Variants in SEMA3G observed in about 807,000 individuals in gnomAD.
The protein encoded by SEMA3G is semaphorin-3G.
A neutral mutation model predicts 86.2 loss-of-function variants in SEMA3G; 70 were observed. That is an observed-to-expected ratio of 0.81 (90% confidence interval 0.67 to 0.99). The LOEUF is 0.99. SEMA3G is among the 50% of genes least tolerant of loss of function. The pLI is 0.00. For synonymous variants in SEMA3G, 416 were observed against 441.4 expected, an observed-to-expected ratio of 0.94 and a Z score of 0.72; for missense variants, 1,002 against 1,072.4, an observed-to-expected ratio of 0.93 and a Z score of 0.92.
At chr3:52,437,688 C>T in intron 14 of SEMA3G, 22 bp from the exon 15 acceptor site, 2 of 1,602,812 alleles carry the variant, frequency 1.2e-6, no homozygotes, top group Non-Finnish European at 1.7e-6. Context: ...CAGAGGTTGG[C>T]TCAGCTTGGG....
At chr3:52,438,701 T>C (rs1706092446) in intron 13 of SEMA3G, 51 of 985,494 alleles carry the variant, frequency 5.2e-5, no homozygotes, top group Non-Finnish European at 6.1e-5. Flanking sequence ...CCTTAGGAAC[T>C]GGCCTTTGTG....
In SEMA3G at chr3:52,443,046, T is replaced by C. The variant is rs1006460074; in HGVS notation, c.116-139A>G. On this transcript the variant is annotated intron_variant, in intron 1 of 15. Coordinates refer to ENST00000231721, the MANE Select transcript of SEMA3G (RefSeq NM_020163.3). ...GAAAATGTTTCCATCCACATGGTGC[T>C]GGAAGGCTTTCGGACCATGGCTCCT... is the stretch of plus-strand genomic sequence containing the variant. The C allele has an allele frequency of 1.2e-5, 18 of 1,536,362 alleles. No individual in the cohort carries two copies. The African/African-American group carries it at 2.3e-4, about 20-fold the overall frequency.
At position 52,438,115 on chromosome 3, in the gene SEMA3G, A is replaced by G; in HGVS notation, c.1594T>C (p.Cys532Arg). Reference protein sequence around the residue: ...CETYGTACAECCLARDPYCAW... With the variant: ...CETYGTACAERCLARDPYCAW... Reference sequence around the variant, plus strand: ...CAGTATGGGTCCCGGGCCAGGCAGCACTCTGCACAGGCAGTGCCGTAAGTC... The same window carrying G: ...CAGTATGGGTCCCGGGCCAGGCAGCGCTCTGCACAGGCAGTGCCGTAAGTC... Residue 532 changes from cysteine to arginine, a missense_variant, in exon 14 of 16, where the codon TGC (cysteine) becomes CGC (arginine). Cys to Arg is a radical substitution (Grantham distance 180). Coordinates refer to ENST00000231721, the MANE Select transcript of SEMA3G (RefSeq NM_020163.3). 6.2e-7 allele frequency: 1 copy of G among 1,613,184 alleles called. No individual in the cohort carries two copies. Among genetic ancestry groups the G allele is most frequent in the Non-Finnish European group, 8.5e-7 (1 of 1,180,016 alleles).
At position 52,433,900 on chromosome 3, in the gene SEMA3G, A is replaced by G. The variant is rs1705996798; in HGVS notation, c.*1703T>C. On this transcript the variant is annotated 3_prime_UTR_variant, in exon 16 of 16. Coordinates refer to ENST00000231721, the MANE Select transcript of SEMA3G (RefSeq NM_020163.3). ...ACCAGCTGACCTCCCAGCAGACAGC[A>G]CCGCAGGCTGGAAGGCTTCTCAGGG... The G allele has an allele frequency of 6.6e-6, 1 of 152,246 alleles. No homozygotes were observed. The highest frequency in any genetic ancestry group is 2.4e-5 in the African/African-American group (1 of 41,382). The allele number at this position is 152,246 out of a possible 1,614,324, so 9.4% of individuals were successfully genotyped here. A position where few individuals can be genotyped will look rare whatever the true frequency, so the allele number is the denominator to read the frequency against.
At position 52,440,825 on chromosome 3, in the gene SEMA3G, T is replaced by G. The variant is rs750727684; in HGVS notation, c.929-2A>C. The G allele has an allele frequency of 3.1e-6, 5 of 1,612,242 alleles. No homozygotes were observed. Among genetic ancestry groups the G allele is most frequent in the Non-Finnish European group, 4.2e-6 (5 of 1,179,830 alleles). Reference sequence around the variant, plus strand: ...TGGGCCACAGCAGGAACACATCCTCTGGGGTAGAGAAAGGAGTATGAGTGT... The same window carrying G: ...TGGGCCACAGCAGGAACACATCCTCGGGGGTAGAGAAAGGAGTATGAGTGT... On this transcript the variant is annotated splice_acceptor_variant, in intron 8 of 15. Transcript: ENST00000231721. LOFTEE classifies it high-confidence loss of function.
At chr3:52,444,307 C>A (rs1188395313) in intron 1 of SEMA3G, among the ~76,000 whole-genome samples, 1 of 151,996 alleles carries the variant, frequency 6.6e-6, no homozygotes, top group African/African-American at 2.4e-5. Context: ...TCTCAGCACT[C>A]CCCCTCAGGT....
At position 52,439,930 on chromosome 3, in the gene SEMA3G, G is replaced by T. The variant is rs763085347; in HGVS notation, c.1312C>A (p.Gln438Lys). ...VKTHLAQQLH[Q>K]IVVDRVEAED... The stretch of plus-strand genomic sequence containing the variant: ...GCCTCCACGCGGTCCACCACGATCT[G>T]GTGTAGCTGCTGGGCCAGGTGGGTC... The change falls in exon 11 of 16, where the codon CAG (glutamine) becomes AAG (lysine). Residue 438 changes from glutamine (Q) to lysine (K), a missense_variant. Gln to Lys is a moderately conservative substitution (Grantham distance 53, BLOSUM62 1). Coordinates refer to ENST00000231721, the MANE Select transcript of SEMA3G (RefSeq NM_020163.3). The T allele has an allele frequency of 6.2e-7, 1 of 1,613,890 alleles. No homozygotes were observed. The highest frequency in any genetic ancestry group is 1.1e-5 in the South Asian group (1 of 91,082).
At position 52,442,336 on chromosome 3, in the gene SEMA3G, TGA is replaced by T; in HGVS notation, c.340-34_340-33del. ...GGAGAAGGAGGGGGTGGTTGAGGGG[TGA>T]GAGGGGGTGCCCACCATCTCCTTGG... On this transcript the variant is annotated intron_variant, in intron 3 of 15. Coordinates refer to ENST00000231721, the MANE Select transcript of SEMA3G (RefSeq NM_020163.3). This position sits in a 1 kb window ranked among gnomAD's most constrained non-coding sequence, Gnocchi z 6.1. 6.5e-7 allele frequency: 1 copy of T among 1,538,736 alleles called. No homozygotes were observed. Among genetic ancestry groups the T allele is most frequent in the South Asian group, 1.1e-5 (1 of 89,662 alleles).
chr3:52,436,324 C>T (rs951462350), intron 15 of SEMA3G, among the ~76,000 whole-genome samples: 1 of 152,240 alleles, frequency 6.6e-6, no homozygotes, highest in African/African-American at 2.4e-5. Flanking sequence ...GCTGGTTTCT[C>T]CCTTAGTCAG....
intron 9 of SEMA3G, 29 bp downstream of exon 9, chr3:52,440,725 C>T (rs1161989192): frequency 3.1e-6 from 5 of 1,596,118 alleles, no homozygotes; most frequent in South Asian, 2.2e-5. Flanking sequence ...AGGGGCCCAT[C>T]GCAAGGCCGG....
At position 52,435,691 on chromosome 3, in the gene SEMA3G, C is replaced by A; in HGVS notation, c.2261G>T (p.Ser754Ile). 5 of 1,614,132 alleles carry A rather than the reference C, an allele frequency of 3.1e-6. No individual in the cohort carries two copies. The highest frequency in any genetic ancestry group is 4.2e-6 in the Non-Finnish European group (5 of 1,180,018). Residue 754 changes from serine (S) to isoleucine (I), a missense_variant, in exon 16 of 16, where the codon AGC becomes ATC. Coordinates refer to ENST00000231721, the MANE Select transcript of SEMA3G (RefSeq NM_020163.3). ...CTTGCCTAGCTCCAGCCCTGCCCAG[C>A]TCTTGCCCCTGGCCTGCTTGCCCCG... ...RSRGKQARGK[S>I]WAGLELGKKM...
rs1301734926 is a variant in SEMA3G at position 52,437,982 on chromosome 3, T to C, written c.1727A>G (p.Gln576Arg). Residue 576 changes from glutamine to arginine, a missense_variant, in exon 14 of 16, where the codon CAG (glutamine) becomes CGG (arginine). Transcript: ENST00000231721. ...HGNPALQCLG[Q>R]SQEEEAVGLV... ...CTGCCACCACTCACCTTCCTGGCTC[T>C]GGCCCAGGCACTGCAGGGCAGGGTT... 10 of 1,612,146 alleles carry C rather than the reference T, an allele frequency of 6.2e-6. No individual in the cohort carries two copies. The highest frequency in any genetic ancestry group is 8.5e-6 in the Non-Finnish European group (10 of 1,179,708).
chr3:52,433,518 C>T lies in SEMA3G; in HGVS notation c.*2085G>A, dbSNP rs1272225088. ...ACAAAAACAACTCGCATTTACGGGG[C>T]GTTTCCAGGAGTTAATAGCATACAG... On this transcript the variant is annotated 3_prime_UTR_variant, in exon 16 of 16. Transcript: ENST00000231721. The T allele has an allele frequency of 6.6e-6, 1 of 152,640 alleles. No individual in the cohort carries two copies. Among genetic ancestry groups the T allele is most frequent in the Non-Finnish European group, 1.5e-5 (1 of 68,050 alleles). 9.5% of individuals were successfully genotyped at this position (152,640 alleles called of 1,614,324 possible).
intron 9 of SEMA3G, 83 bp downstream of exon 9, chr3:52,440,671 A>C (rs1292856295): frequency 1.4e-5 from 21 of 1,479,422 alleles, no homozygotes; most frequent in Non-Finnish European, 1.9e-5. Context: ...GCAAAGAGAG[A>C]GTCAGAGAGT....
At chr3:52,438,524 G>A (rs1706089880) in intron 13 of SEMA3G, 2 of 985,462 alleles carry the variant, frequency 2.0e-6, no homozygotes, top group Non-Finnish European at 2.4e-6. Context: ...GGTGCACCTT[G>A]CTTTAAGCAA....
In SEMA3G at chr3:52,435,427, G is replaced by T; in HGVS notation, c.*176C>A. The stretch of plus-strand genomic sequence containing the variant: ...GAGCACAGAGAAGGGCAGGGAACAG[G>T]CTTCAAGAACCCAGCCCCTCCATTA... On this transcript the variant is annotated 3_prime_UTR_variant, in exon 16 of 16. Coordinates refer to ENST00000231721, the MANE Select transcript of SEMA3G (RefSeq NM_020163.3). 1.6e-6 allele frequency: 1 copy of T among 640,570 alleles called. No homozygotes were observed. The highest frequency in any genetic ancestry group is 2.7e-6 in the Non-Finnish European group (1 of 372,186). 39.7% of individuals were successfully genotyped at this position (640,570 alleles called of 1,614,324 possible). A position where few individuals can be genotyped will look rare whatever the true frequency, so the allele number is the denominator to read the frequency against.
At chr3:52,438,845 G>GA in intron 13 of SEMA3G, 75 bp downstream of exon 13, 1 of 1,593,374 alleles carries the variant, frequency 6.3e-7, no homozygotes, top group South Asian at 1.1e-5. Context: ...GGAGGCTGCG[G>GA]AGCAGGGGCA....
At chr3:52,437,325 G>C (rs1031755704) in intron 15 of SEMA3G, among the ~76,000 whole-genome samples, 5 of 152,168 alleles carry the variant, frequency 3.3e-5, no homozygotes, top group African/African-American at 1.2e-4. Flanking sequence ...GGGAGTTCCA[G>C]CCACATCTGG....
chr3:52,441,965 G>T, intron 4 of SEMA3G, 56 bp from the exon 5 acceptor site: 1 of 1,413,014 alleles, frequency 7.1e-7, no homozygotes, highest in Non-Finnish European at 9.7e-7. Flanking sequence ...AGCACCAGCA[G>T]CCCACACCCA....
Sources: gnomAD v4.1 joint callset for allele counts (sites outside exome capture counted in the v4.1 genomes callset) on GRCh38, gnomAD v4.1.1 for gene constraint, Gnocchi (gnomAD v3.1) non-coding constraint, MANE v1.5 for transcripts, NCBI Gene and HGNC (gene_info 2026-07-23, HGNC 2026-07-21) for gene names.